LOC400499: variants seen among roughly 807,000 people sequenced by gnomAD.
the LOC400499 span, chr16:11,491,781 T>G: frequency 3.0e-5 from 12 of 398,546 alleles, no homozygotes; most frequent in African/African-American, 2.5e-4. Flanking sequence ...CAGGGCCAGG[T>G]AGGCATTGAT....
the LOC400499 span, among the ~76,000 whole-genome samples, chr16:11,401,103 T>A: frequency 1.4e-4 from 21 of 152,362 alleles, no homozygotes; most frequent in East Asian, 4.0e-3. Context: ...GAATGAAGGA[T>A]CCCAGAGATC....
chr16:11,446,876 G>C, the LOC400499 span: 104 of 1,535,976 alleles, frequency 6.8e-5, 1 homozygote, highest in South Asian at 1.2e-3. Flanking sequence ...TCCTGCAGGA[G>C]GAGGCTCTGC....
At chr16:11,512,937 G>C in the LOC400499 span, among the ~76,000 whole-genome samples, 35 of 152,266 alleles carry the variant, frequency 2.3e-4, no homozygotes, top group African/African-American at 7.9e-4. Flanking sequence ...CATCTAGTGG[G>C]TTCTCCCCCA....
chr16:11,395,163 T>C, the LOC400499 span, among the ~76,000 whole-genome samples: 1 of 152,140 alleles, frequency 6.6e-6, no homozygotes, highest in African/African-American at 2.4e-5. Flanking sequence ...TCAGCCCCGC[T>C]GGGTGTCACT....
the LOC400499 span, among the ~76,000 whole-genome samples, chr16:11,524,638 G>C: frequency 1.3e-5 from 2 of 152,156 alleles, no homozygotes; most frequent in African/African-American, 2.4e-5. Context: ...AGGACAACCA[G>C]GGCATGAGCA....
chr16:11,506,773 C>T, the LOC400499 span, among the ~76,000 whole-genome samples: 1 of 152,150 alleles, frequency 6.6e-6, no homozygotes, highest in East Asian at 1.9e-4. Flanking sequence ...GAAAAACAAA[C>T]CTTGTCTCCT....
the LOC400499 span, chr16:11,387,418 G>C: frequency 1.4e-6 from 1 of 737,696 alleles, no homozygotes; most frequent in Non-Finnish European, 1.9e-6. Flanking sequence ...GTGCCTTTCA[G>C]GGAGGGGCTG....
At chr16:11,423,239 GT>G in the LOC400499 span, 1 of 399,102 alleles carries the variant, frequency 2.5e-6, no homozygotes. Flanking sequence ...TGGGCGAGGC[GT>G]CTCCACTGCA....
the LOC400499 span, among the ~76,000 whole-genome samples, chr16:11,479,516 G>A: frequency 6.6e-6 from 1 of 151,886 alleles, no homozygotes; most frequent in East Asian, 1.9e-4. Context: ...CCAGCTACTT[G>A]GGAAGCTGAG....
At chr16:11,455,248 G>A in the LOC400499 span, among the ~76,000 whole-genome samples, 47 of 152,264 alleles carry the variant, frequency 3.1e-4, no homozygotes, top group South Asian at 4.1e-4. Context: ...TAAGAAAATG[G>A]AAGAGAATAT....
At chr16:11,513,406 C>CAAAAAAAAAA in the LOC400499 span, among the ~76,000 whole-genome samples, 2 of 126,934 alleles carry the variant, frequency 1.6e-5, no homozygotes, top group Admixed American at 8.5e-5. Flanking sequence ...ACTGTGTCTC[C>CAAAAAAAAAA]AAAAAAAAAA....
the LOC400499 span, chr16:11,401,199 C>G: frequency 9.0e-5 from 36 of 398,758 alleles, 1 homozygote; most frequent in African/African-American, 6.0e-4. Context: ...TGCCCAGCCC[C>G]ACAGGCTCAG....
At chr16:11,481,202 G>T in the LOC400499 span, among the ~76,000 whole-genome samples, 1 of 152,234 alleles carries the variant, frequency 6.6e-6, no homozygotes, top group Non-Finnish European at 1.5e-5. Context: ...TAGGAGGAGG[G>T]GCTGCTGGGG....
At chr16:11,503,040 G>A in the LOC400499 span, among the ~76,000 whole-genome samples, 1 of 147,778 alleles carries the variant, frequency 6.8e-6, no homozygotes, top group African/African-American at 2.5e-5. Context: ...TCCCACCTCA[G>A]CCTCCCGTGT....
the LOC400499 span, among the ~76,000 whole-genome samples, chr16:11,410,687 G>T: frequency 7.4e-6 from 1 of 135,728 alleles, no homozygotes; most frequent in African/African-American, 2.8e-5. Context: ...ATTCATGCAT[G>T]CACTCACCTA....
the LOC400499 span, chr16:11,384,346 G>C: frequency 1.6e-6 from 2 of 1,212,790 alleles, no homozygotes; most frequent in Admixed American, 8.4e-5. Context: ...GAGGGAAGCG[G>C]AGGCCGGCCG....
the LOC400499 span, among the ~76,000 whole-genome samples, chr16:11,451,865 G>A: frequency 2.0e-5 from 3 of 152,134 alleles, no homozygotes; most frequent in Non-Finnish European, 4.4e-5. Flanking sequence ...TGAGAATAGG[G>A]AGACATTGAA....
At chr16:11,508,150 A>C in the LOC400499 span, among the ~76,000 whole-genome samples, 1 of 152,100 alleles carries the variant, frequency 6.6e-6, no homozygotes, top group African/African-American at 2.4e-5. Flanking sequence ...ATGCTAAACC[A>C]TCTCTCTCGT....
the LOC400499 span, among the ~76,000 whole-genome samples, chr16:11,390,943 T>C: frequency 6.6e-6 from 1 of 152,020 alleles, no homozygotes; most frequent in Non-Finnish European, 1.5e-5. Flanking sequence ...ACTGGGAGAG[T>C]ACCCTGGGCA....
Sources: allele counts gnomAD v4.1 joint callset (sites outside exome capture counted in the v4.1 genomes callset), GRCh38; gene constraint gnomAD v4.1.1; transcripts MANE v1.5.